Variants in EMC8 observed in about 807,000 individuals in gnomAD.
The protein encoded by EMC8 is ER membrane protein complex subunit 8, also known as COX4 neighbor.
Under a neutral mutation model 24.3 loss-of-function variants are expected in EMC8, and 11 were observed. That is an observed-to-expected ratio of 0.45 (90% confidence interval 0.28 to 0.75). The LOEUF is 0.75. EMC8 is among the 30% of genes least tolerant of loss of function. The pLI, the probability that EMC8 is intolerant of heterozygous loss-of-function variation, is 0.12. For synonymous variants in EMC8, 145 were observed against 117.7 expected (o/e 1.23, Z -1.50); for missense variants, 277 against 282.7 (o/e 0.98, Z 0.14).
At chr16:85,793,067 C>CT (rs1310587436) in intron 1 of EMC8, 9 of 152,220 alleles carry the variant, frequency 5.9e-5, no homozygotes, top group Non-Finnish European at 1.3e-4. Flanking sequence ...CTACCACCCT[C>CT]TGCTCAATGT....
chr16:85,780,369 G>A lies in EMC8; in HGVS notation c.473+10C>T, dbSNP rs1300149432. 4 of 1,609,600 alleles carry A rather than the reference G, an allele frequency of 2.5e-6. No individual in the cohort carries two copies. The highest frequency in any genetic ancestry group is 2.7e-5 in the African/African-American group (2 of 74,962). Reference sequence around the variant, plus strand: ...AGCCCAGCCCGCGCGGCAGCATGGGGCGCACTCACTGGTGTGGGTCTCTGC... The same window carrying A: ...AGCCCAGCCCGCGCGGCAGCATGGGACGCACTCACTGGTGTGGGTCTCTGC... On this transcript the variant is annotated intron_variant, in intron 4 of 4. Coordinates refer to ENST00000253457, the MANE Select transcript of EMC8 (RefSeq NM_006067.5).
chr16:85,780,358 G>T, intron 4 of EMC8, 21 bp downstream of exon 4: 1 of 1,596,422 alleles, frequency 6.3e-7, no homozygotes, highest in Non-Finnish European at 8.6e-7. Context: ...CAGCCCGCGC[G>T]GCAGCATGGG....
At chr16:85,793,580 G>C (rs1905107147) in intron 1 of EMC8, among the ~76,000 whole-genome samples, 1 of 152,214 alleles carries the variant, frequency 6.6e-6, no homozygotes, top group South Asian at 2.1e-4. Context: ...AAGGGCAGGA[G>C]GGAGTAGGGG....
rs1440224210 is a variant in EMC8 at position 85,799,155 on chromosome 16, G to C, written c.141C>G (p.Pro47=). ...CCACGAAGAGGGTGTGGTGGGCGCC[G>C]GGGCCGCCCAGGGGGAGGTGCTCCT... is the stretch of plus-strand genomic sequence containing the variant. The part of the protein sequence containing the change: ...PRKEHLPLGG[P]GAHHTLFVDC... Residue 47 remains proline, a synonymous_variant, in exon 1 of 5, where the codon CCC becomes CCG. Coordinates refer to ENST00000253457, the MANE Select transcript of EMC8 (RefSeq NM_006067.5). The surrounding 1 kb of genome is among the most constrained non-coding windows in gnomAD (Gnocchi z 4.2). The C allele has an allele frequency of 3.1e-6, 5 of 1,606,888 alleles. No individual in the cohort carries two copies. The highest frequency in any genetic ancestry group is 4.2e-6 in the Non-Finnish European group (5 of 1,176,936).
At chr16:85,780,308 G>C (rs926990202) in intron 4 of EMC8, 71 bp downstream of exon 4, 3 of 1,075,914 alleles carry the variant, frequency 2.8e-6, no homozygotes, top group Non-Finnish European at 2.9e-6. Context: ...ACACAGGCGG[G>C]GTGAGAGTGG....
At chr16:85,798,911 G>C (rs1329694940) in intron 1 of EMC8, 154 bp downstream of exon 1, 10 of 586,652 alleles carry the variant, frequency 1.7e-5, no homozygotes, top group Non-Finnish European at 3.0e-5. Context: ...CAAGACCCAA[G>C]CGCCATCGTG....
intron 1 of EMC8, among the ~76,000 whole-genome samples, chr16:85,798,393 A>G (rs1023716136): frequency 6.6e-6 from 1 of 152,084 alleles, no homozygotes; most frequent in Admixed American, 6.5e-5. Context: ...AAGTGCTAGG[A>G]TTACAGGGGT....
Position 85,799,057 on chromosome 16 carries a change from G to A in EMC8, c.231+8C>T. The stretch of plus-strand genomic sequence containing the variant: ...CCTGCAAGGGGAAGGGGCCCTTTCC[G>A]CGCTTACCAGGGTGAGAGCCACCTC... On this transcript the variant is annotated splice_region_variant and intron_variant, in intron 1 of 4. Transcript: ENST00000253457. This position sits in a 1 kb window ranked among gnomAD's most constrained non-coding sequence, Gnocchi z 4.2. 6.5e-7 allele frequency: 1 copy of A among 1,529,716 alleles called. No homozygotes were observed. 94.8% of individuals were successfully genotyped at this position (1,529,716 alleles called of 1,614,324 possible). A position where few individuals can be genotyped will look rare whatever the true frequency, so the allele number is the denominator to read the frequency against.
At chr16:85,796,011 C>T (rs1000589380) in intron 1 of EMC8, among the ~76,000 whole-genome samples, 10 of 152,124 alleles carry the variant, frequency 6.6e-5, no homozygotes, top group South Asian at 4.1e-4. Context: ...AGGACACACG[C>T]GGTTGGAGAG....
intron 1 of EMC8, among the ~76,000 whole-genome samples, chr16:85,791,412 A>T (rs140973327): frequency 6.6e-6 from 1 of 152,202 alleles, no homozygotes; most frequent in East Asian, 1.9e-4. Flanking sequence ...CCAACCCGTC[A>T]CCTAGGTTTT....
In EMC8 at chr16:85,778,942, C is replaced by G. The variant is rs1399308380; in HGVS notation, c.*766G>C. 6.6e-6 allele frequency: 1 copy of G among 152,210 alleles called. No individual in the cohort carries two copies. The highest frequency in any genetic ancestry group is 2.4e-5 in the African/African-American group (1 of 41,456). 9.4% of individuals were successfully genotyped at this position (152,210 alleles called of 1,614,324 possible). A position where few individuals can be genotyped will look rare whatever the true frequency, so the allele number is the denominator to read the frequency against. On this transcript the variant is annotated 3_prime_UTR_variant, in exon 5 of 5. Coordinates refer to ENST00000253457, the MANE Select transcript of EMC8 (RefSeq NM_006067.5). ...CGTCACTCTGCACAACTCGGGAAGT[C>G]TAAGTCTTGTTTTTCCTAATACAAA...
intron 3 of EMC8, 83 bp from the exon 4 acceptor site, chr16:85,780,556 C>T: frequency 1.1e-6 from 1 of 930,572 alleles, no homozygotes; most frequent in Non-Finnish European, 1.7e-6. Flanking sequence ...GCTCTCCCTG[C>T]AGCCGTGCCC....
intron 2 of EMC8, among the ~76,000 whole-genome samples, chr16:85,783,580 A>G (rs1208132384): frequency 6.6e-6 from 1 of 152,206 alleles, no homozygotes; most frequent in Non-Finnish European, 1.5e-5. Context: ...ACTGCCTGCA[A>G]GATGAAGGCT....
intron 2 of EMC8, chr16:85,781,603 G>GTT (rs1164194909): frequency 3.6e-5 from 4 of 111,070 alleles, no homozygotes; most frequent in African/African-American, 6.9e-5. Flanking sequence ...ACTTTTTAGT[G>GTT]TTTTTTTTTG....
chr16:85,779,471 C>T lies in EMC8; in HGVS notation c.*237G>A. The T allele has an allele frequency of 2.3e-6, 1 of 433,898 alleles. No individual in the cohort carries two copies. Among genetic ancestry groups the T allele is most frequent in the Non-Finnish European group, 4.2e-6 (1 of 238,338 alleles). 26.9% of individuals were successfully genotyped at this position (433,898 alleles called of 1,614,324 possible). On this transcript the variant is annotated 3_prime_UTR_variant, in exon 5 of 5. Coordinates refer to ENST00000253457, the MANE Select transcript of EMC8 (RefSeq NM_006067.5). ...AGAGCTTTGATTTGGAGGATTATAG[C>T]AACATACAACTGAGAGAGTCCACAG... is the stretch of plus-strand genomic sequence containing the variant.
intron 1 of EMC8, among the ~76,000 whole-genome samples, chr16:85,797,189 C>T (rs1279531900): frequency 6.6e-6 from 1 of 152,172 alleles, no homozygotes; most frequent in Non-Finnish European, 1.5e-5. Context: ...GGCCGTATTA[C>T]TTGAGGTAAG....
intron 1 of EMC8, among the ~76,000 whole-genome samples, chr16:85,790,704 C>T (rs1006774626): frequency 2.0e-5 from 3 of 152,196 alleles, no homozygotes; most frequent in South Asian, 2.1e-4. Context: ...TGACCCACAT[C>T]TCTGCCCCCC....
intron 1 of EMC8, among the ~76,000 whole-genome samples, chr16:85,793,159 C>T (rs542520270): frequency 1.3e-5 from 2 of 152,310 alleles, no homozygotes; most frequent in African/African-American, 4.8e-5. Context: ...CAACTAGACT[C>T]TTTGCACAGA....
intron 1 of EMC8, among the ~76,000 whole-genome samples, chr16:85,791,396 C>A (rs1417078588): frequency 6.6e-6 from 1 of 152,128 alleles, no homozygotes; most frequent in African/African-American, 2.4e-5. Flanking sequence ...TGGTTTGCTG[C>A]ACCTACCAAC....
Sources: gnomAD v4.1 joint callset for allele counts (sites outside exome capture counted in the v4.1 genomes callset) on GRCh38, gnomAD v4.1.1 for gene constraint, Gnocchi (gnomAD v3.1) non-coding constraint, MANE v1.5 for transcripts, NCBI Gene and HGNC (gene_info 2026-07-23, HGNC 2026-07-21) for gene names.